Variants in ZNF891 observed in about 807,000 individuals in gnomAD.
ZNF891 encodes zinc finger protein 891.
For missense variants in ZNF891, 589 were observed against 632.7 expected (o/e 0.93, Z 0.74); for synonymous variants, 199 against 209.0 (o/e 0.95, Z 0.41).
Position 133,105,933 on chromosome 12 carries a change from G to T in ZNF891, c.*14351C>A. 1 of 1,614,148 alleles carries T rather than the reference G, an allele frequency of 6.2e-7. No individual in the cohort carries two copies. Among genetic ancestry groups the T allele is most frequent in the Non-Finnish European group, 8.5e-7 (1 of 1,180,022 alleles). On this transcript the variant is annotated 3_prime_UTR_variant, in exon 2 of 2. Transcript: ENST00000537226. ...CATACTGGAAAGAAACCCCATGAGT[G>T]TAAGGACTGTAATAAAACATTCAGT...
rs1378415697 is a variant in ZNF891 at position 133,110,309 on chromosome 12, T to C, written c.*9975A>G. 3 of 152,220 alleles carry C rather than the reference T, an allele frequency of 2.0e-5. No homozygotes were observed. Among genetic ancestry groups the C allele is most frequent in the Non-Finnish European group, 4.4e-5 (3 of 68,042 alleles). The allele number at this position is 152,220 out of a possible 1,614,324, so 9.4% of individuals were successfully genotyped here. A position where few individuals can be genotyped will look rare whatever the true frequency, so the allele number is the denominator to read the frequency against. On this transcript the variant is annotated 3_prime_UTR_variant, in exon 2 of 2. Transcript: ENST00000537226. ...AATTTGGCTCTCATGATCTGGGGACTGGTTAAGTGTGTTCTATTTGGGGAA... is the reference window on the plus strand; with the variant it reads ...AATTTGGCTCTCATGATCTGGGGACCGGTTAAGTGTGTTCTATTTGGGGAA...
rs186312590 is a variant in ZNF891 at position 133,117,498 on chromosome 12, C to T, written c.*2786G>A. 2 of 152,304 alleles carry T rather than the reference C, an allele frequency of 1.3e-5. No individual in the cohort carries two copies. The highest frequency in any genetic ancestry group is 3.9e-4 in the East Asian group (2 of 5,192). 9.4% of individuals were successfully genotyped at this position (152,304 alleles called of 1,614,324 possible). A position where few individuals can be genotyped will look rare whatever the true frequency, so the allele number is the denominator to read the frequency against. ...TTAAACCAACCCACCCATTTTTCTA[C>T]TCCTGAAAGAATGGTGGGAGTATCC... On this transcript the variant is annotated 3_prime_UTR_variant, in exon 2 of 2. Coordinates refer to ENST00000537226, the MANE Select transcript of ZNF891 (RefSeq NM_001277291.2).
At position 133,107,499 on chromosome 12, in the gene ZNF891, TAAAC is replaced by T. The variant is rs1955640302; in HGVS notation, c.*12781_*12784del. 1 of 151,948 alleles carries T rather than the reference TAAAC, an allele frequency of 6.6e-6. No homozygotes were observed. Among genetic ancestry groups the T allele is most frequent in the Non-Finnish European group, 1.5e-5 (1 of 67,948 alleles). The allele number at this position is 151,948 out of a possible 1,614,324, so 9.4% of individuals were successfully genotyped here. A position where few individuals can be genotyped will look rare whatever the true frequency, so the allele number is the denominator to read the frequency against. ...GTAACTACAATATTGACATAAAAAATAAACAGTAGTTTTTCTTGTTGAAACATAC... is the reference window on the plus strand; with the variant it reads ...GTAACTACAATATTGACATAAAAAATAGTAGTTTTTCTTGTTGAAACATAC... On this transcript the variant is annotated 3_prime_UTR_variant, in exon 2 of 2. Transcript: ENST00000537226.
At position 133,119,857 on chromosome 12, in the gene ZNF891, AAAG is replaced by A. The variant is rs1289942443; in HGVS notation, c.*424_*426del. On this transcript the variant is annotated 3_prime_UTR_variant, in exon 2 of 2. Transcript: ENST00000537226. ...TGGCTACCCTTAGCTACAAGAAGTC[AAAG>A]AAGCGTTCTATAACCAGAGACCTTA... The A allele has an allele frequency of 9.4e-5, 15 of 159,712 alleles. No individual in the cohort carries two copies. The highest frequency in any genetic ancestry group is 2.4e-4 in the African/African-American group (10 of 41,534). The allele number at this position is 159,712 out of a possible 1,614,324, so 9.9% of individuals were successfully genotyped here. A position where few individuals can be genotyped will look rare whatever the true frequency, so the allele number is the denominator to read the frequency against.
rs987522454 is a variant in ZNF891, at chr12:133,119,212, T to C, written c.*1072A>G. The C allele has an allele frequency of 6.7e-6, 1 of 148,254 alleles. No individual in the cohort carries two copies. Among genetic ancestry groups the C allele is most frequent in the African/African-American group, 2.5e-5 (1 of 40,786 alleles). The allele number at this position is 148,254 out of a possible 1,614,324, so 9.2% of individuals were successfully genotyped here. ...TCTAGCCTGAGAGACAGAGACTCTG[T>C]CTGAAAAATTGAAAAAAAAAAAGAA... On this transcript the variant is annotated 3_prime_UTR_variant, in exon 2 of 2. Transcript: ENST00000537226.
Position 133,121,895 on chromosome 12 carries a change from G to A in ZNF891, c.24C>T (p.Ser8=), listed in dbSNP as rs1955765660. Residue 8 remains serine, a synonymous_variant, in exon 2 of 2, where the codon TCC becomes TCT. Transcript: ENST00000537226. MAVMDLS[S]PWALTKQDSA... ...AGTCCTGTTTAGTTAAAGCCCATGG[G>A]GAGGATAGGTCCATAACTGCCATTT... The A allele has an allele frequency of 6.5e-7, 1 of 1,535,420 alleles. No homozygotes were observed. The highest frequency in any genetic ancestry group is 8.7e-7 in the Non-Finnish European group (1 of 1,146,674).
rs1955525712 is a variant in ZNF891, at chr12:133,104,837, C to T, written c.*15447G>A. The stretch of plus-strand genomic sequence containing the variant: ...CTTTCATTTTAGGTTAAAGGTTACT[C>T]ATGTTACATGAGCAAATTGTGTGTC... On this transcript the variant is annotated 3_prime_UTR_variant, in exon 2 of 2. Coordinates refer to ENST00000537226, the MANE Select transcript of ZNF891 (RefSeq NM_001277291.2). 6.6e-6 allele frequency among the ~76,000 whole-genome samples: 1 copy of T among 152,124 alleles called. No individual in the cohort carries two copies. Among genetic ancestry groups the T allele is most frequent in the Non-Finnish European group, 1.5e-5 (1 of 68,026 alleles).
rs1383361416 is a variant in ZNF891, at chr12:133,105,552, A to C, written c.*14732T>G. 6.2e-7 allele frequency: 1 copy of C among 1,610,330 alleles called. No homozygotes were observed. Among genetic ancestry groups the C allele is most frequent in the African/African-American group, 1.3e-5 (1 of 74,680 alleles). ...GAGATCAAAGACTTTTCACCAAAAA[A>C]TGTCATTTATGATGACTCATCCCAG... On this transcript the variant is annotated 3_prime_UTR_variant, in exon 2 of 2. Transcript: ENST00000537226.
chr12:133,125,971 A>C (rs1955811253), intron 1 of ZNF891: 2 of 418,722 alleles, frequency 4.8e-6, no homozygotes, highest in Admixed American at 2.6e-5. Flanking sequence ...CAGCTGGCTA[A>C]TTCTAAATAT....
Position 133,106,976 on chromosome 12 carries a change from C to T in ZNF891, c.*13308G>A, listed in dbSNP as rs190416234. 80 of 190,270 alleles carry T rather than the reference C, an allele frequency of 4.2e-4. No homozygotes were observed. Among genetic ancestry groups the T allele is most frequent in the African/African-American group, 1.7e-3 (74 of 42,464 alleles). The allele number at this position is 190,270 out of a possible 1,614,324, so 11.8% of individuals were successfully genotyped here. A position where few individuals can be genotyped will look rare whatever the true frequency, so the allele number is the denominator to read the frequency against. On this transcript the variant is annotated 3_prime_UTR_variant, in exon 2 of 2. Transcript: ENST00000537226. ...TGTAAATTCCTACCAGGAAAGAATACATATCCAATAGATTGGAGAAAGCCA... is the reference window on the plus strand; with the variant it reads ...TGTAAATTCCTACCAGGAAAGAATATATATCCAATAGATTGGAGAAAGCCA...
At position 133,121,446 on chromosome 12, in the gene ZNF891, C is replaced by G; in HGVS notation, c.473G>C (p.Cys158Ser). The G allele has an allele frequency of 1.3e-6, 2 of 1,536,142 alleles. No homozygotes were observed. The highest frequency in any genetic ancestry group is 1.7e-6 in the Non-Finnish European group (2 of 1,146,890). The change falls in exon 2 of 2, where the codon TGC (cysteine) becomes TCC (serine). Residue 158 changes from cysteine (C) to serine (S), a missense_variant. By Grantham distance (112) the Cys-to-Ser change is moderately radical (BLOSUM62 -1). Coordinates refer to ENST00000537226, the MANE Select transcript of ZNF891 (RefSeq NM_001277291.2). ...CTTATGCTGTTTTCTGATCTTATGG[C>G]ATTCCCAGTCTTCTCTTAATGTGGA... ...WSSTLREDWECHKIRKQHKIP... is the reference protein window; with the variant it reads ...WSSTLREDWESHKIRKQHKIP...
intron 1 of ZNF891, among the ~76,000 whole-genome samples, chr12:133,128,468 C>T (rs998478055): frequency 6.6e-6 from 1 of 152,066 alleles, no homozygotes; most frequent in African/African-American, 2.4e-5. Flanking sequence ...CCCGTCTCTA[C>T]TAAAAAATAC....
intron 1 of ZNF891, among the ~76,000 whole-genome samples, chr12:133,129,937 G>A (rs992068479): frequency 2.0e-5 from 3 of 152,196 alleles, no homozygotes; most frequent in African/African-American, 7.2e-5. Flanking sequence ...TAGAGAAGGA[G>A]GCAAACGCGC....
intron 1 of ZNF891, among the ~76,000 whole-genome samples, chr12:133,127,069 A>G (rs1183023927): frequency 6.8e-6 from 1 of 147,548 alleles, no homozygotes; most frequent in African/African-American, 2.5e-5. Context: ...GGTTTAAGCA[A>G]TTCTCTGCCT....
rs1325367744 is a variant in ZNF891, at chr12:133,106,717, TC to T, written c.*13566del. ...TTAAAAAGAAGTATAATGCCTTACT[TC>T]AGAGAACTCTTGGAAAGAAGCCTTA... On this transcript the variant is annotated 3_prime_UTR_variant, in exon 2 of 2. Transcript: ENST00000537226. The T allele has an allele frequency of 9.4e-6, 13 of 1,382,412 alleles. No homozygotes were observed. The highest frequency in any genetic ancestry group is 1.3e-5 in the Non-Finnish European group (13 of 1,030,534). The allele number at this position is 1,382,412 out of a possible 1,614,324, so 85.6% of individuals were successfully genotyped here.
At chr12:133,125,204 T>C (rs1205645987) in intron 1 of ZNF891, among the ~76,000 whole-genome samples, 1 of 152,180 alleles carries the variant, frequency 6.6e-6, no homozygotes, top group East Asian at 1.9e-4. Flanking sequence ...TGTCACTATA[T>C]TGGCCAGGCT....
Position 133,121,634 on chromosome 12 carries a change from C to A in ZNF891, c.285G>T (p.Leu95Phe), listed in dbSNP as rs997507135. Reference protein sequence around the residue: ...QLYRLTVISPLDQEEIRNMKK... With the variant: ...QLYRLTVISPFDQEEIRNMKK... ...TCATATTCCTTATCTCTTCTTGATCCAATGGGGAGATCACAGTAAGCCTGT... is the reference window on the plus strand; with the variant it reads ...TCATATTCCTTATCTCTTCTTGATCAAATGGGGAGATCACAGTAAGCCTGT... Residue 95 changes from leucine (L) to phenylalanine (F), a missense_variant, in exon 2 of 2, where the codon TTG (leucine) becomes TTT (phenylalanine). By Grantham distance (22) the Leu-to-Phe change is conservative (BLOSUM62 0). Coordinates refer to ENST00000537226, the MANE Select transcript of ZNF891 (RefSeq NM_001277291.2). 1 of 1,536,328 alleles carries A rather than the reference C, an allele frequency of 6.5e-7. No homozygotes were observed. The highest frequency in any genetic ancestry group is 2.0e-5 in the Admixed American group (1 of 50,986).
chr12:133,122,234 T>C, intron 1 of ZNF891: 2 of 1,041,864 alleles, frequency 1.9e-6, no homozygotes, highest in Non-Finnish European at 2.3e-6. Flanking sequence ...TGTACTGGCT[T>C]CTCCTGCAGA....
chr12:133,127,856 C>G (rs922359087), intron 1 of ZNF891, among the ~76,000 whole-genome samples: 2 of 151,890 alleles, frequency 1.3e-5, no homozygotes, highest in Non-Finnish European at 2.9e-5. Context: ...GAAAATGGAA[C>G]CAAAAGACAT....
Sources: gnomAD v4.1 joint callset for allele counts (sites outside exome capture counted in the v4.1 genomes callset) on GRCh38, gnomAD v4.1.1 for gene constraint, MANE v1.5 for transcripts, NCBI Gene and HGNC (gene_info 2026-07-23, HGNC 2026-07-21) for gene names.